The following KCNN3 variants were observed in gnomAD, a reference collection of about 807,000 sequenced individuals.
KCNN3 encodes potassium calcium-activated channel subfamily N member 3, also known as small conductance calcium-activated potassium channel protein 3.
A neutral mutation model predicts 62.9 loss-of-function variants in KCNN3; 16 were observed. The ratio of observed to expected loss-of-function variants is 0.25; its 90% CI spans 0.17 to 0.39. The LOEUF (loss-of-function observed/expected upper bound fraction) is 0.39, where lower values mean the gene tolerates loss of function less well. KCNN3 is among the 10% of genes least tolerant of loss of function. The pLI is 1.00. For missense variants in KCNN3, 599 were observed against 949.4 expected (o/e 0.63, Z 4.85); for synonymous variants, 370 against 389.2 (o/e 0.95, Z 0.58).
intron 2 of KCNN3, among the ~76,000 whole-genome samples, chr1:154,819,112 C>T (rs867333799): frequency 3.3e-5 from 5 of 152,234 alleles, no homozygotes; most frequent in Non-Finnish European, 4.4e-5. Flanking sequence ...CAGCAGCTGG[C>T]CTTTGCCTGT....
chr1:154,722,204 T>C (rs746637182), intron 5 of KCNN3, among the ~76,000 whole-genome samples: 1 of 152,146 alleles, frequency 6.6e-6, no homozygotes, highest in Admixed American at 6.5e-5. Context: ...CAATTCCTTT[T>C]TTCGTTTTGC....
At chr1:154,855,702 G>T (rs1217230085) in intron 1 of KCNN3, among the ~76,000 whole-genome samples, 1 of 152,302 alleles carries the variant, frequency 6.6e-6, no homozygotes, top group Admixed American at 6.5e-5. Context: ...TCGTTGCAAC[G>T]CATGACTGTA....
intron 5 of KCNN3, among the ~76,000 whole-genome samples, chr1:154,721,206 G>T (rs1700338999): frequency 6.6e-6 from 1 of 152,016 alleles, no homozygotes; most frequent in Non-Finnish European, 1.5e-5. Flanking sequence ...GATGTGGAGA[G>T]TAGGTACCGC....
chr1:154,722,389 T>C (rs1481172675), intron 5 of KCNN3, among the ~76,000 whole-genome samples: 2 of 144,778 alleles, frequency 1.4e-5, no homozygotes, highest in Non-Finnish European at 3.0e-5. Flanking sequence ...CTTAGCATTT[T>C]TTTTTTTTTT....
chr1:154,784,935 G>A (rs1649214003), intron 2 of KCNN3, among the ~76,000 whole-genome samples: 1 of 143,760 alleles, frequency 7.0e-6, no homozygotes, highest in South Asian at 2.3e-4. Context: ...AGGGCAGGCA[G>A]CTCTCTTGAC....
At chr1:154,776,978 C>T (rs918026913) in intron 2 of KCNN3, among the ~76,000 whole-genome samples, 6 of 152,182 alleles carry the variant, frequency 3.9e-5, no homozygotes, top group South Asian at 2.1e-4. Context: ...AAGAGACAAG[C>T]GCTGTGTCTT....
At chr1:154,759,881 C>T (rs912719304) in intron 3 of KCNN3, among the ~76,000 whole-genome samples, 1 of 152,210 alleles carries the variant, frequency 6.6e-6, no homozygotes, top group Non-Finnish European at 1.5e-5. Flanking sequence ...ATATGGATTT[C>T]ACTTTGCACC....
At chr1:154,778,235 C>T (rs1034074919) in intron 2 of KCNN3, among the ~76,000 whole-genome samples, 2 of 152,148 alleles carry the variant, frequency 1.3e-5, no homozygotes, top group African/African-American at 2.4e-5. Flanking sequence ...TCCAAACTTT[C>T]CTTTAAGGAG....
At chr1:154,726,360 C>T (rs1435441866) in intron 4 of KCNN3, among the ~76,000 whole-genome samples, 1 of 152,194 alleles carries the variant, frequency 6.6e-6, no homozygotes, top group East Asian at 1.9e-4. Flanking sequence ...TGGTCAGCTG[C>T]CAAGCTGTGC....
intron 2 of KCNN3, among the ~76,000 whole-genome samples, chr1:154,815,642 G>T (rs1313189051): frequency 2.6e-5 from 4 of 152,230 alleles, no homozygotes; most frequent in Non-Finnish European, 4.4e-5. Context: ...TGTTGAATAA[G>T]TAAACGAATG....
chr1:154,770,396 G>A (rs567413932), intron 3 of KCNN3, among the ~76,000 whole-genome samples: 1 of 152,190 alleles, frequency 6.6e-6, no homozygotes, highest in Non-Finnish European at 1.5e-5. Flanking sequence ...TAGGAGATAC[G>A]ATTCAAGGCA....
At chr1:154,742,424 C>A (rs963673477) in intron 3 of KCNN3, among the ~76,000 whole-genome samples, 3 of 152,244 alleles carry the variant, frequency 2.0e-5, no homozygotes, top group Non-Finnish European at 4.4e-5. Flanking sequence ...TCTGCATGAA[C>A]TTATCCTCAG....
At chr1:154,841,171 G>A (rs1651812809) in intron 1 of KCNN3, among the ~76,000 whole-genome samples, 1 of 152,192 alleles carries the variant, frequency 6.6e-6, no homozygotes, top group Admixed American at 6.5e-5. Flanking sequence ...TCAGCACTCT[G>A]GCAAACCCAC....
intron 3 of KCNN3, among the ~76,000 whole-genome samples, chr1:154,744,422 G>C (rs1364943418): frequency 6.6e-6 from 1 of 152,236 alleles, no homozygotes; most frequent in Non-Finnish European, 1.5e-5. Context: ...GGCTGCTAAA[G>C]ATGGCAATTG....
chr1:154,754,305 G>A (rs1211777628), intron 3 of KCNN3, among the ~76,000 whole-genome samples: 48 of 152,076 alleles, frequency 3.2e-4, no homozygotes, highest in Admixed American at 3.0e-3. Flanking sequence ...GACTTCAAGC[G>A]ACACCGCAGA....
intron 3 of KCNN3, among the ~76,000 whole-genome samples, chr1:154,760,727 G>A (rs933511198): frequency 6.6e-6 from 1 of 152,234 alleles, no homozygotes; most frequent in African/African-American, 2.4e-5. Context: ...ACGCCCGGGA[G>A]GCTACTGAAG....
At chr1:154,782,943 A>T (rs891084779) in intron 2 of KCNN3, among the ~76,000 whole-genome samples, 8 of 152,174 alleles carry the variant, frequency 5.3e-5, no homozygotes, top group Non-Finnish European at 8.8e-5. Context: ...CTGGGCGCGG[A>T]GGCTCACGCC....
At chr1:154,799,786 C>G (rs1397487320) in intron 2 of KCNN3, among the ~76,000 whole-genome samples, 1 of 152,212 alleles carries the variant, frequency 6.6e-6, no homozygotes, top group Non-Finnish European at 1.5e-5. Context: ...GTGGCCTCAT[C>G]CCACAAGAGA....
At chr1:154,792,854 A>G (rs999616669) in intron 2 of KCNN3, among the ~76,000 whole-genome samples, 1 of 152,172 alleles carries the variant, frequency 6.6e-6, no homozygotes, top group Non-Finnish European at 1.5e-5. Context: ...ATGCAGGCAG[A>G]AGTTTGATTT....
Sources: gnomAD v4.1 joint callset for allele counts (sites outside exome capture counted in the v4.1 genomes callset) on GRCh38, gnomAD v4.1.1 for gene constraint, MANE v1.5 for transcripts, NCBI Gene and HGNC (gene_info 2026-07-23, HGNC 2026-07-21) for gene names.